The following TMF1 variants were observed in gnomAD, a reference collection of about 807,000 sequenced individuals.
TMF1 encodes TATA element modulatory factor 1.
TMF1 carries 71 observed loss-of-function variants against 126.5 expected under a neutral mutation model. The ratio of observed to expected loss-of-function variants is 0.56; its 90% CI spans 0.46 to 0.68. The LOEUF is 0.68. Among genes scored for constraint, TMF1 ranks in the 30% least tolerant of loss-of-function variants. TMF1 has a pLI of 0.00. For synonymous variants in TMF1, 461 were observed against 430.5 expected, an observed-to-expected ratio of 1.07 and a Z score of -0.88; for missense variants, 1,259 against 1,253.2, an observed-to-expected ratio of 1.00 and a Z score of -0.07.
At chr3:69,046,113 A>T (rs2091894486) in intron 2 of TMF1, among the ~76,000 whole-genome samples, 1 of 152,174 alleles carries the variant, frequency 6.6e-6, no homozygotes, top group South Asian at 2.1e-4. Flanking sequence ...TGTCTCATTC[A>T]TACATACATC....
chr3:69,038,585 C>T lies in TMF1; in HGVS notation c.2130G>A (p.Gln710=). The T allele has an allele frequency of 1.9e-6, 3 of 1,613,588 alleles. No individual in the cohort carries two copies. The highest frequency in any genetic ancestry group is 2.5e-6 in the Non-Finnish European group (3 of 1,179,886). The change falls in exon 8 of 17, where the codon CAG becomes CAA. Residue 710 remains glutamine, a synonymous_variant. Transcript: ENST00000398559. ...TTACTTGAATGGCTAATGTTTCTTG[C>T]TGCTGACGGGCTTCTTCTTGGGCCT... The part of the protein sequence containing the change: ...LEKAQEEARQ[Q]QETLAIQVGD...
At chr3:69,023,389 T>A in intron 16 of TMF1, 69 bp from the exon 17 acceptor site, 1 of 1,291,514 alleles carries the variant, frequency 7.7e-7, no homozygotes, top group Non-Finnish European at 1.1e-6. Flanking sequence ...TATATTGCCA[T>A]AGGAGTCAAC....
At chr3:69,028,063 T>C (rs907244436) in intron 12 of TMF1, 71 bp from the exon 13 acceptor site, 1 of 1,169,586 alleles carries the variant, frequency 8.6e-7, no homozygotes, top group Non-Finnish European at 1.3e-6. Context: ...AATCTCAAAG[T>C]TAGAAGCATA....
chr3:69,032,763 T>C (rs1238657997), intron 10 of TMF1, among the ~76,000 whole-genome samples: 1 of 152,006 alleles, frequency 6.6e-6, no homozygotes, highest in Admixed American at 6.6e-5. Context: ...GCATGCGCCA[T>C]GACACCCAGC....
At chr3:69,032,584 C>T (rs961860853) in intron 10 of TMF1, among the ~76,000 whole-genome samples, 1 of 150,514 alleles carries the variant, frequency 6.6e-6, no homozygotes, top group African/African-American at 2.4e-5. Flanking sequence ...CAACCTGGGG[C>T]ATGACTGTAA....
At position 69,022,262 on chromosome 3, in the gene TMF1, A is replaced by G. The variant is rs1559627153; in HGVS notation, c.*915T>C. On this transcript the variant is annotated 3_prime_UTR_variant, in exon 17 of 17. Coordinates refer to ENST00000398559, the MANE Select transcript of TMF1 (RefSeq NM_007114.3). ...TGTTATGAATATTCTGTAATATCAAACATTCATTTTTAATGTGCTAAAAAT... is the reference window on the plus strand; with the variant it reads ...TGTTATGAATATTCTGTAATATCAAGCATTCATTTTTAATGTGCTAAAAAT... The G allele has an allele frequency of 6.6e-6, 1 of 152,302 alleles. No homozygotes were observed. The highest frequency in any genetic ancestry group is 2.4e-5 in the African/African-American group (1 of 41,480). The allele number at this position is 152,302 out of a possible 1,614,324, so 9.4% of individuals were successfully genotyped here.
chr3:69,038,337 C>A (rs1240533183), intron 8 of TMF1, among the ~76,000 whole-genome samples: 1 of 152,088 alleles, frequency 6.6e-6, no homozygotes, highest in Non-Finnish European at 1.5e-5. Flanking sequence ...TTTTATAATA[C>A]TCTCAAATGG....
At chr3:69,035,995 T>C (rs2091829276) in intron 8 of TMF1, among the ~76,000 whole-genome samples, 1 of 143,218 alleles carries the variant, frequency 7.0e-6, no homozygotes, top group Non-Finnish European at 1.5e-5. Flanking sequence ...TTTAAATTAC[T>C]GATATTTTAT....
At position 69,021,746 on chromosome 3, in the gene TMF1, T is replaced by G. The variant is rs2091739114; in HGVS notation, c.*1431A>C. On this transcript the variant is annotated 3_prime_UTR_variant, in exon 17 of 17. Coordinates refer to ENST00000398559, the MANE Select transcript of TMF1 (RefSeq NM_007114.3). ...CCCATGCTGGAGTGCAGTGGCACAA[T>G]CTTGGCTCATTGTAACCTCCACCTC... is the stretch of plus-strand genomic sequence containing the variant. 1 of 151,500 alleles carries G rather than the reference T, an allele frequency of 6.6e-6. No homozygotes were observed. The highest frequency in any genetic ancestry group is 2.4e-5 in the African/African-American group (1 of 41,240). 9.4% of individuals were successfully genotyped at this position (151,500 alleles called of 1,614,324 possible).
intron 15 of TMF1, 89 bp from the exon 16 acceptor site, chr3:69,024,269 T>TG: frequency 5.8e-6 from 1 of 173,756 alleles, no homozygotes; most frequent in African/African-American, 5.5e-5. Context: ...GTGTGTGTGG[T>TG]TTTTTTTTTT....
chr3:69,039,523 T>C, intron 6 of TMF1, 28 bp downstream of exon 6: 1 of 1,601,600 alleles, frequency 6.2e-7, no homozygotes, highest in South Asian at 1.1e-5. Context: ...TAACAATATA[T>C]ATGTAGAGAA....
rs558324934 is a variant in TMF1 at position 69,052,237 on chromosome 3, C to G, written c.-151G>C. 31 of 833,004 alleles carry G rather than the reference C, an allele frequency of 3.7e-5. No individual in the cohort carries two copies. The East Asian group carries it at 7.8e-4, about 21-fold the overall frequency. The allele number at this position is 833,004 out of a possible 1,614,324, so 51.6% of individuals were successfully genotyped here. A position where few individuals can be genotyped will look rare whatever the true frequency, so the allele number is the denominator to read the frequency against. ...TTACCCCGACAGCCTCCCGCGAGCCCGGGATGTTACCCTCGGCCGTTCCCG... is the reference window on the plus strand; with the variant it reads ...TTACCCCGACAGCCTCCCGCGAGCCGGGGATGTTACCCTCGGCCGTTCCCG... On this transcript the variant is annotated 5_prime_UTR_variant, in exon 1 of 17. Coordinates refer to ENST00000398559, the MANE Select transcript of TMF1 (RefSeq NM_007114.3).
In TMF1 at chr3:69,038,955, G is replaced by C; in HGVS notation, c.1882C>G (p.Leu628Val). 2 of 1,609,700 alleles carry C rather than the reference G, an allele frequency of 1.2e-6. No homozygotes were observed. The highest frequency in any genetic ancestry group is 1.7e-6 in the Non-Finnish European group (2 of 1,178,382). Reference sequence around the variant, plus strand: ...TCTTGGCGTTCTACCATGGAATTTAGTTTTTTAATATTTTCTCTATGTTGT... The same window carrying C: ...TCTTGGCGTTCTACCATGGAATTTACTTTTTTAATATTTTCTCTATGTTGT... The part of the protein sequence containing the change: ...EKQHRENIKK[L>V]NSMVERQEKD... Residue 628 changes from leucine (L) to valine (V), a missense_variant, in exon 7 of 17, where the codon CTA (leucine) becomes GTA (valine). Physicochemically the swap from Leu to Val is conservative, Grantham distance 32 (BLOSUM62 1). Coordinates refer to ENST00000398559, the MANE Select transcript of TMF1 (RefSeq NM_007114.3).
In TMF1 at chr3:69,025,978, T is replaced by C. The variant is rs771783869; in HGVS notation, c.2859+18A>G. The C allele has an allele frequency of 1.3e-5, 20 of 1,571,918 alleles. No individual in the cohort carries two copies. The African/African-American group carries it at 1.5e-4, about 12-fold the overall frequency. ...TATTATTCTAAGAACTAAGCACATA[T>C]AAAAAATAAAACATCACCTGAGACA... is the stretch of plus-strand genomic sequence containing the variant. On this transcript the variant is annotated intron_variant, in intron 14 of 16. Transcript: ENST00000398559.
Position 69,021,421 on chromosome 3 carries a change from A to G in TMF1, c.*1756T>C, listed in dbSNP as rs930952241. ...GAATATTACACACACAAAAAAATCA[A>G]GCTGACAAAAAGCTATTAGACTACT... On this transcript the variant is annotated 3_prime_UTR_variant, in exon 17 of 17. Coordinates refer to ENST00000398559, the MANE Select transcript of TMF1 (RefSeq NM_007114.3). The G allele has an allele frequency of 3.3e-5, 5 of 152,584 alleles. No individual in the cohort carries two copies. Among genetic ancestry groups the G allele is most frequent in the African/African-American group, 1.2e-4 (5 of 41,450 alleles). 9.5% of individuals were successfully genotyped at this position (152,584 alleles called of 1,614,324 possible). A position where few individuals can be genotyped will look rare whatever the true frequency, so the allele number is the denominator to read the frequency against.
Position 69,048,298 on chromosome 3 carries a change from G to T in TMF1, c.407C>A (p.Ser136Tyr). The change falls in exon 2 of 17, where the codon TCC (serine) becomes TAC (tyrosine). Residue 136 changes from serine to tyrosine, a missense_variant. By Grantham distance (144) the Ser-to-Tyr change is moderately radical (BLOSUM62 -2). Transcript: ENST00000398559. ...EEEVKSSLHE[S>Y]LHIGQSRTPE... ...AGTTCTTGACTGGCCAATGTGCAAG[G>T]ATTCATGTAAGCTGCTTTTCACTTC... 6.2e-7 allele frequency: 1 copy of T among 1,614,196 alleles called. No homozygotes were observed. Among genetic ancestry groups the T allele is most frequent in the Non-Finnish European group, 8.5e-7 (1 of 1,180,026 alleles).
At chr3:69,042,035 TTTTA>T (rs771027317) in intron 5 of TMF1, among the ~76,000 whole-genome samples, 8 of 152,048 alleles carry the variant, frequency 5.3e-5, no homozygotes, top group African/African-American at 1.2e-4. Context: ...ATTAATTTTA[TTTTA>T]TTTATTTATT....
chr3:69,033,780 G>A lies in TMF1; in HGVS notation c.2245-76C>T. 3.1e-6 allele frequency: 4 copies of A among 1,293,804 alleles called. No individual in the cohort carries two copies. The South Asian group carries it at 6.3e-5, about 20-fold the overall frequency. The allele number at this position is 1,293,804 out of a possible 1,614,324, so 80.1% of individuals were successfully genotyped here. On this transcript the variant is annotated intron_variant, in intron 9 of 16. Transcript: ENST00000398559. ...AAAAACACTAGCAAACCTGAACTTT[G>A]AGAGGTTCCTGGAAAATTATTTTTC...
chr3:69,024,280 T>G (rs1006409676), intron 15 of TMF1, 100 bp from the exon 16 acceptor site: 11 of 1,177,074 alleles, frequency 9.3e-6, no homozygotes, highest in Non-Finnish European at 1.3e-5. Flanking sequence ...TTTTTTTTTT[T>G]TTTTGAAATA....
Sources: allele counts gnomAD v4.1 joint callset (sites outside exome capture counted in the v4.1 genomes callset), GRCh38; gene constraint gnomAD v4.1.1; transcripts MANE v1.5; gene names NCBI Gene and HGNC (gene_info 2026-07-23, HGNC 2026-07-21).